The following CAMTA1 variants were observed in gnomAD, a reference collection of about 807,000 sequenced individuals.
CAMTA1 encodes the protein calmodulin-binding transcription activator 1.
In CAMTA1, 27 loss-of-function variants were observed where a neutral mutation model predicts 170.9. The observed-to-expected ratio is 0.16, with a 90% CI of 0.12 to 0.22. The LOEUF (loss-of-function observed/expected upper bound fraction) is 0.22, where lower values mean the gene tolerates loss of function less well. Ranked by LOEUF, CAMTA1 falls within the 10% of genes least tolerant of loss-of-function variation. CAMTA1 has a pLI of 1.00. For missense variants in CAMTA1, 1,619 were observed against 2,217.2 expected (o/e 0.73, Z 5.42); for synonymous variants, 833 against 891.5 (o/e 0.93, Z 1.17).
At chr1:6,817,405 G>A (rs1645953228) in intron 1 of CAMTA1, among the ~76,000 whole-genome samples, 1 of 152,206 alleles carries the variant, frequency 6.6e-6, no homozygotes. Context: ...TTAGTGGGCT[G>A]TTACTGGTGA....
At chr1:6,785,827 G>T (rs1639078825) in intron 1 of CAMTA1, among the ~76,000 whole-genome samples, 1 of 144,870 alleles carries the variant, frequency 6.9e-6, no homozygotes, top group Non-Finnish European at 1.5e-5. Context: ...GGGGCCGGAG[G>T]GGGCGGGGGG....
chr1:7,310,158 A>T (rs1350832042), intron 5 of CAMTA1, among the ~76,000 whole-genome samples: 1 of 152,156 alleles, frequency 6.6e-6, no homozygotes, highest in Non-Finnish European at 1.5e-5. Context: ...TATTGTCCTA[A>T]TTTTACTTTC....
intron 3 of CAMTA1, among the ~76,000 whole-genome samples, chr1:6,860,850 TGTA>T (rs1477803317): frequency 2.0e-5 from 3 of 151,818 alleles, no homozygotes; most frequent in Non-Finnish European, 4.4e-5. Flanking sequence ...AGGCAGAAGT[TGTA>T]GTGACCCCAG....
chr1:6,983,471 C>A (rs968045948), intron 3 of CAMTA1, among the ~76,000 whole-genome samples: 3 of 152,192 alleles, frequency 2.0e-5, no homozygotes, highest in African/African-American at 7.2e-5. Context: ...TACAGGCACC[C>A]CTGTCATAAT....
intron 1 of CAMTA1, among the ~76,000 whole-genome samples, chr1:6,794,712 A>G (rs1471270196): frequency 1.3e-5 from 2 of 152,214 alleles, no homozygotes; most frequent in Admixed American, 6.5e-5. Flanking sequence ...GGATTTTAGT[A>G]AATTGTGTCT....
At position 7,041,609 on chromosome 1, in the gene CAMTA1, A is replaced by T. The variant is rs947130998; in HGVS notation, c.235-49695A>T. The stretch of plus-strand genomic sequence containing the variant: ...ACATTATTATGTTATAGAATATTGG[A>T]GTGAAGAAATACGCATAAAGGCACA... On this transcript the variant is annotated intron_variant, in intron 3 of 22. Transcript: ENST00000303635. The surrounding 1 kb of genome is among the most constrained non-coding windows in gnomAD (Gnocchi z 5.1). Among the ~76,000 whole-genome samples, 1 of 152,234 alleles carries T rather than the reference A, an allele frequency of 6.6e-6. No individual in the cohort carries two copies. Among genetic ancestry groups the T allele is most frequent in the African/African-American group, 2.4e-5 (1 of 41,466 alleles).
Position 6,905,576 on chromosome 1 carries a change from A to C in CAMTA1, c.234+80366A>C, listed in dbSNP as rs528018160. 5.3e-5 allele frequency among the ~76,000 whole-genome samples: 8 copies of C among 152,040 alleles called. 1 individual carries two copies. The South Asian group carries it at 1.7e-3, about 32-fold the overall frequency. On this transcript the variant is annotated intron_variant, in intron 3 of 22. Transcript: ENST00000303635. ...CGCTTCCCTCTCATAATAAAGCTTC[A>C]GCTCCTAGTGGAACCCTTTGTCCAT...
intron 6 of CAMTA1, among the ~76,000 whole-genome samples, chr1:7,581,838 T>C (rs2150400519): frequency 6.6e-6 from 1 of 152,340 alleles, no homozygotes; most frequent in South Asian, 2.1e-4. Flanking sequence ...CTGAGGGGCT[T>C]TGAGCTCCTC....
intron 4 of CAMTA1, among the ~76,000 whole-genome samples, chr1:7,116,944 G>A (rs1221249116): frequency 1.4e-5 from 2 of 145,516 alleles, no homozygotes; most frequent in Admixed American, 6.9e-5. Flanking sequence ...GAGCCACTGC[G>A]CCCGGCCAAC....
In CAMTA1 at chr1:7,295,205, C is replaced by T. The variant is rs570057865; in HGVS notation, c.438+45579C>T. On this transcript the variant is annotated intron_variant, in intron 5 of 22. Coordinates refer to ENST00000303635, the MANE Select transcript of CAMTA1 (RefSeq NM_015215.4). ...GCATCTGCCTCCCTGGAGTTGGAAG[C>T]TGGAACGGGGCAACACATGGACAAT... 3.3e-5 allele frequency among the ~76,000 whole-genome samples: 5 copies of T among 152,290 alleles called. No homozygotes were observed. The South Asian group carries it at 1.0e-3, about 32-fold the overall frequency.
In CAMTA1 at chr1:7,442,456, G is replaced by A. The variant is rs149131776; in HGVS notation, c.439-25374G>A. Among the ~76,000 whole-genome samples, 56 of 152,264 alleles carry A rather than the reference G, an allele frequency of 3.7e-4. No homozygotes were observed. The East Asian group carries it at 9.5e-3, about 26-fold the overall frequency. On this transcript the variant is annotated intron_variant, in intron 5 of 22. Coordinates refer to ENST00000303635, the MANE Select transcript of CAMTA1 (RefSeq NM_015215.4). ...AATATGCATAGATGAGCAGGCAGCC[G>A]GTACAGGGAGCACGTAGGTTCGCAT...
At chr1:6,898,744 C>T (rs2149188103) in intron 3 of CAMTA1, among the ~76,000 whole-genome samples, 1 of 152,278 alleles carries the variant, frequency 6.6e-6, no homozygotes, top group East Asian at 1.9e-4. Flanking sequence ...TCCTAAGTCT[C>T]ATCTCAAATG....
At chr1:7,430,620 G>T (rs2092113644) in intron 5 of CAMTA1, among the ~76,000 whole-genome samples, 1 of 152,142 alleles carries the variant, frequency 6.6e-6, no homozygotes. Context: ...CTACCATTTT[G>T]AGGCTCCATG....
chr1:7,514,325 G>A (rs931444617), intron 6 of CAMTA1, among the ~76,000 whole-genome samples: 1 of 152,248 alleles, frequency 6.6e-6, no homozygotes, highest in African/African-American at 2.4e-5. Flanking sequence ...ACACAGGGCA[G>A]ACAGGCAGTG....
intron 3 of CAMTA1, among the ~76,000 whole-genome samples, chr1:6,939,709 C>G (rs1375215955): frequency 6.6e-6 from 1 of 152,248 alleles, no homozygotes; most frequent in Non-Finnish European, 1.5e-5. Context: ...TCTTGCTGCT[C>G]AGATCTCACC....
intron 1 of CAMTA1, among the ~76,000 whole-genome samples, chr1:6,791,875 C>T (rs1641195343): frequency 6.6e-6 from 1 of 152,128 alleles, no homozygotes; most frequent in African/African-American, 2.4e-5. Context: ...TGTGATTAAG[C>T]CATGTTCCTA....
intron 5 of CAMTA1, among the ~76,000 whole-genome samples, chr1:7,453,238 A>G (rs2092872748): frequency 6.6e-6 from 1 of 152,230 alleles, no homozygotes; most frequent in African/African-American, 2.4e-5. Context: ...GGTTCACGGG[A>G]GGAGGCTGGC....
chr1:7,673,688 ACT>A lies in CAMTA1; in HGVS notation c.2779+2654_2779+2655del, dbSNP rs776608675. On this transcript the variant is annotated intron_variant, in intron 10 of 22. Coordinates refer to ENST00000303635, the MANE Select transcript of CAMTA1 (RefSeq NM_015215.4). The surrounding 1 kb of genome is among the most constrained non-coding windows in gnomAD (Gnocchi z 4.6). ...CTGGGACTCCCCTGCTAGAGCCAGC[ACT>A]CTGTCTTCAGCTAACTCCACAAAGG... Among the ~76,000 whole-genome samples, 1 of 152,100 alleles carries A rather than the reference ACT, an allele frequency of 6.6e-6. No homozygotes were observed. Among genetic ancestry groups the A allele is most frequent in the Non-Finnish European group, 1.5e-5 (1 of 68,008 alleles).
chr1:7,011,713 A>G (rs1699835013), intron 3 of CAMTA1, among the ~76,000 whole-genome samples: 1 of 152,022 alleles, frequency 6.6e-6, no homozygotes, highest in Admixed American at 6.5e-5. Flanking sequence ...TTTTTGGTCC[A>G]CGTCCCCCAC....
Sources: gnomAD v4.1 joint callset for allele counts (sites outside exome capture counted in the v4.1 genomes callset) on GRCh38, gnomAD v4.1.1 for gene constraint, Gnocchi (gnomAD v3.1) non-coding constraint, MANE v1.5 for transcripts, NCBI Gene and HGNC (gene_info 2026-07-23, HGNC 2026-07-21) for gene names.